ATP2C1: variants seen among roughly 807,000 people sequenced by gnomAD.
The protein encoded by ATP2C1 is calcium-transporting ATPase type 2C member 1.
ATP2C1 carries 31 observed loss-of-function variants against 120.5 expected under a neutral mutation model. The observed-to-expected ratio is 0.26, with a 90% CI of 0.19 to 0.35. The LOEUF is 0.35. Ranked by LOEUF, ATP2C1 falls within the 10% of genes least tolerant of loss-of-function variation. The probability of loss-of-function intolerance (pLI) is 1.00; values close to 1 mark genes in which losing one functional copy is unlikely to be tolerated. For synonymous variants in ATP2C1, 351 were observed against 358.7 expected (o/e 0.98, Z 0.24); for missense variants, 731 against 1,107.5 (o/e 0.66, Z 4.83).
chr3:130,981,198 C>A (rs998798157), intron 20 of ATP2C1, among the ~76,000 whole-genome samples: 1 of 152,112 alleles, frequency 6.6e-6, no homozygotes, highest in Non-Finnish European at 1.5e-5. Flanking sequence ...TTTTGTGGTA[C>A]CTTCTCCCCC....
intron 10 of ATP2C1, 94 bp downstream of exon 10, chr3:130,955,174 A>C (rs2060527096): frequency 1.1e-6 from 1 of 897,986 alleles, no homozygotes; most frequent in Admixed American, 1.8e-5. Flanking sequence ...TACTATTGAG[A>C]GCAATATTTT....
rs898528923 is a variant in ATP2C1 at position 131,002,025 on chromosome 3, TA to T, written c.*680del. The T allele has an allele frequency of 5.9e-4, 579 of 984,820 alleles. No individual in the cohort carries two copies. The highest frequency in any genetic ancestry group is 6.7e-4 in the Non-Finnish European group (554 of 829,104). The allele number at this position is 984,820 out of a possible 1,614,324, so 61.0% of individuals were successfully genotyped here. A position where few individuals can be genotyped will look rare whatever the true frequency, so the allele number is the denominator to read the frequency against. The stretch of plus-strand genomic sequence containing the variant: ...GTAAATGGTTGCTTTATTTTTATTT[TA>T]AAAAGGTATGTCTTTGGTTTGGCAG... On this transcript the variant is annotated 3_prime_UTR_variant, in exon 28 of 28. Coordinates refer to ENST00000510168, the MANE Select transcript of ATP2C1 (RefSeq NM_001378687.1).
chr3:130,972,792 AC>A (rs2061385775), intron 17 of ATP2C1, among the ~76,000 whole-genome samples: 1 of 151,518 alleles, frequency 6.6e-6, no homozygotes, highest in Non-Finnish European at 1.5e-5. Flanking sequence ...AAGGACATGA[AC>A]TCATCATTTT....
chr3:130,911,161 C>T (rs1202684274), intron 2 of ATP2C1, among the ~76,000 whole-genome samples: 1 of 140,838 alleles, frequency 7.1e-6, no homozygotes, highest in Admixed American at 7.1e-5. Context: ...TCAACTTCTT[C>T]CTGGTTTAGT....
At chr3:130,946,684 T>G (rs2060168925) in intron 8 of ATP2C1, among the ~76,000 whole-genome samples, 2 of 152,232 alleles carry the variant, frequency 1.3e-5, no homozygotes, top group South Asian at 4.1e-4. Flanking sequence ...TTCCATTTAC[T>G]CAATGAAAAA....
chr3:131,006,184 T>C (rs570111507), downstream of ATP2C1, among the ~76,000 whole-genome samples: 35 of 152,212 alleles, frequency 2.3e-4, 1 homozygote, highest in Non-Finnish European at 4.4e-4. Context: ...CGATCTTGGC[T>C]CACTGCAACC....
intron 27 of ATP2C1, 53 bp from the exon 28 acceptor site, chr3:131,001,167 T>C: frequency 6.7e-7 from 1 of 1,496,780 alleles, no homozygotes; most frequent in Non-Finnish European, 9.3e-7. Context: ...CTATTAAGCT[T>C]TGCAACTGTA....
At chr3:130,939,126 A>G (rs2059791045) in intron 6 of ATP2C1, among the ~76,000 whole-genome samples, 1 of 152,190 alleles carries the variant, frequency 6.6e-6, no homozygotes, top group African/African-American at 2.4e-5. Flanking sequence ...AAACCAACAA[A>G]ATAGTCTATA....
Position 130,953,989 on chromosome 3 carries a change from C to T in ATP2C1, c.687+13C>T, listed in dbSNP as rs774669576. ...TGGCAAAGCAAAGGTAAATTTTTTT[C>T]CTGATTTGAAAAAAGCAGTTCCTTT... On this transcript the variant is annotated intron_variant, in intron 9 of 27. Transcript: ENST00000510168. 22 of 1,613,404 alleles carry T rather than the reference C, an allele frequency of 1.4e-5. No homozygotes were observed. The highest frequency in any genetic ancestry group is 3.4e-6 in the Non-Finnish European group (4 of 1,179,714).
In ATP2C1 at chr3:130,967,293, C is replaced by T. The variant is rs1183711912; in HGVS notation, c.1219-37C>T. 2.5e-6 allele frequency: 4 copies of T among 1,610,920 alleles called. No homozygotes were observed. In the South Asian group the frequency reaches 3.3e-5, roughly 13 times the overall value. ...ACTTTCTTCATAATAACTTAAGACA[C>T]AGTGATAGGTTCATAGTTTATGTGT... On this transcript the variant is annotated intron_variant, in intron 15 of 27. Coordinates refer to ENST00000510168, the MANE Select transcript of ATP2C1 (RefSeq NM_001378687.1).
At chr3:130,944,549 C>G (rs189259834) in intron 8 of ATP2C1, among the ~76,000 whole-genome samples, 1 of 152,240 alleles carries the variant, frequency 6.6e-6, no homozygotes, top group East Asian at 1.9e-4. Context: ...TTAGGACTAG[C>G]CTCATGACCG....
intron 1 of ATP2C1, among the ~76,000 whole-genome samples, chr3:130,870,979 T>C (rs981275511): frequency 2.0e-5 from 3 of 152,216 alleles, no homozygotes; most frequent in Non-Finnish European, 2.9e-5. Flanking sequence ...ACCACCGCCC[T>C]GATCAGTCAA....
intron 2 of ATP2C1, among the ~76,000 whole-genome samples, chr3:130,910,431 C>A (rs2108103092): frequency 7.1e-6 from 1 of 140,260 alleles, no homozygotes; most frequent in Non-Finnish European, 1.5e-5. Flanking sequence ...TAATTGAATA[C>A]CCTTTATTTC....
At chr3:130,994,664 TA>T (rs2062518950) in intron 22 of ATP2C1, among the ~76,000 whole-genome samples, 1 of 152,216 alleles carries the variant, frequency 6.6e-6, no homozygotes, top group East Asian at 1.9e-4. Flanking sequence ...TTTATTTATT[TA>T]TTTTTTTGGT....
At chr3:130,893,572 C>T (rs2069277363), upstream of ATP2C1, among the ~76,000 whole-genome samples, 1 of 152,236 alleles carries the variant, frequency 6.6e-6, no homozygotes, top group Admixed American at 6.5e-5. Flanking sequence ...TCGCCCCTTC[C>T]TTCCGTGGGC....
At position 130,909,126 on chromosome 3, in the gene ATP2C1, C is replaced by T. The variant is rs374687866; in HGVS notation, c.6+14351C>T. Among the ~76,000 whole-genome samples, 6 of 152,240 alleles carry T rather than the reference C, an allele frequency of 3.9e-5. No homozygotes were observed. The South Asian group carries it at 1.2e-3, about 32-fold the overall frequency. ...ACTTAAGGTTCAGTGAAGAAGGTAA[C>T]CATTTCATAGTATCTCCCTTAACAA... On this transcript the variant is annotated intron_variant, in intron 2 of 27. Coordinates refer to ENST00000510168, the MANE Select transcript of ATP2C1 (RefSeq NM_001378687.1).
chr3:130,893,461 C>T (rs1484712193), upstream of ATP2C1, among the ~76,000 whole-genome samples: 1 of 152,190 alleles, frequency 6.6e-6, no homozygotes, highest in East Asian at 1.9e-4. Flanking sequence ...ATTACCGGCT[C>T]CCCCAAGAAC....
intron 8 of ATP2C1, among the ~76,000 whole-genome samples, chr3:130,947,794 T>C (rs2060213846): frequency 6.6e-6 from 1 of 152,138 alleles, no homozygotes; most frequent in Non-Finnish European, 1.5e-5. Context: ...GCCCCTCCAA[T>C]TGATTTTTTT....
At chr3:130,942,501 C>T (rs982806758) in intron 8 of ATP2C1, among the ~76,000 whole-genome samples, 2 of 152,158 alleles carry the variant, frequency 1.3e-5, no homozygotes, top group Non-Finnish European at 2.9e-5. Flanking sequence ...TTGTTAACAC[C>T]TGCAGAGCAG....
Sources: allele counts gnomAD v4.1 joint callset (sites outside exome capture counted in the v4.1 genomes callset), GRCh38; gene constraint gnomAD v4.1.1; transcripts MANE v1.5; gene names NCBI Gene and HGNC (gene_info 2026-07-23, HGNC 2026-07-21).